PDE11A: variants seen among roughly 807,000 people sequenced by gnomAD.
PDE11A encodes the protein phosphodiesterase 11A.
In PDE11A, 100 loss-of-function variants were observed where a neutral mutation model predicts 100.5. The observed-to-expected ratio is 1.00, with a 90% confidence interval of 0.85 to 1.18. The LOEUF (loss-of-function observed/expected upper bound fraction) is 1.18. Ranked by LOEUF, PDE11A falls within the 50% of genes most tolerant of loss-of-function variation. The pLI is 0.00. For missense variants in PDE11A, 1,141 were observed against 1,152.6 expected (o/e 0.99, Z 0.15); for synonymous variants, 381 against 420.8 (o/e 0.91, Z 1.16).
intron 8 of PDE11A, among the ~76,000 whole-genome samples, chr2:177,817,389 T>C (rs1436949923): frequency 2.0e-5 from 3 of 152,156 alleles, no homozygotes; most frequent in Non-Finnish European, 4.4e-5. Context: ...GTATTCTTGA[T>C]TAGAGAAAGA....
chr2:178,006,309 G>T (rs1018941145), intron 2 of PDE11A, among the ~76,000 whole-genome samples: 7 of 152,194 alleles, frequency 4.6e-5, no homozygotes, highest in African/African-American at 1.4e-4. Flanking sequence ...GGTCTGAGAT[G>T]ACAGAATTTG....
At chr2:177,638,909 G>A (rs1285947201) in intron 19 of PDE11A, among the ~76,000 whole-genome samples, 1 of 152,214 alleles carries the variant, frequency 6.6e-6, no homozygotes, top group Non-Finnish European at 1.5e-5. Flanking sequence ...AGCCTCAGTA[G>A]TTTCCTCACA....
At chr2:177,758,132 T>TA (rs57702277) in intron 10 of PDE11A, among the ~76,000 whole-genome samples, 10,781 of 133,258 alleles carry the variant, frequency 0.081, 457 homozygotes, top group Middle Eastern at 0.19. Context: ...CCATCTCTAC[T>TA]AAAAAAAAAA....
intron 2 of PDE11A, among the ~76,000 whole-genome samples, chr2:178,084,277 T>G (rs1170434403): frequency 6.6e-6 from 1 of 152,258 alleles, no homozygotes; most frequent in Non-Finnish European, 1.5e-5. Flanking sequence ...AATCAGAATT[T>G]AACCTCAATG....
intron 19 of PDE11A, among the ~76,000 whole-genome samples, chr2:177,651,721 T>A (rs1285998302): frequency 1.3e-5 from 2 of 152,186 alleles, no homozygotes; most frequent in East Asian, 3.9e-4. Context: ...TCAGATCACC[T>A]GTAACACTAA....
At chr2:177,712,544 G>A (rs2081372261) in intron 12 of PDE11A, among the ~76,000 whole-genome samples, 1 of 152,214 alleles carries the variant, frequency 6.6e-6, no homozygotes, top group Admixed American at 6.5e-5. Context: ...TGAGGATTGA[G>A]TGGGGTATCC....
At chr2:177,647,776 T>C (rs2080246184) in intron 19 of PDE11A, among the ~76,000 whole-genome samples, 1 of 152,126 alleles carries the variant, frequency 6.6e-6, no homozygotes, top group Non-Finnish European at 1.5e-5. Flanking sequence ...ATGTTGGTGG[T>C]CTCTCTCCCT....
chr2:177,674,832 A>G (rs936381482), intron 17 of PDE11A, among the ~76,000 whole-genome samples: 5 of 152,216 alleles, frequency 3.3e-5, no homozygotes, highest in Non-Finnish European at 2.9e-5. Context: ...GACCCCACAC[A>G]GTAGGTGCAT....
At chr2:178,021,095 G>A (rs35290022) in intron 1 of PDE11A, among the ~76,000 whole-genome samples, 8,423 of 151,878 alleles carry the variant, frequency 0.055, 291 homozygotes, top group South Asian at 0.092. Context: ...CTGAGTAGCT[G>A]GGATTACAGG....
chr2:177,837,476 C>CT (rs35254631), intron 6 of PDE11A, among the ~76,000 whole-genome samples: 3,415 of 141,658 alleles, frequency 0.024, 51 homozygotes, highest in African/African-American at 0.03. Context: ...TTCTTTCTTT[C>CT]TTTTTTTTTT....
chr2:178,095,633 C>T (rs577485098), intron 2 of PDE11A, among the ~76,000 whole-genome samples: 98 of 152,356 alleles, frequency 6.4e-4, no homozygotes, highest in Admixed American at 3.9e-3. Context: ...TGTGATGGGG[C>T]TCCAACCCAC....
chr2:178,059,586 G>T (rs2086942040), intron 1 of PDE11A, among the ~76,000 whole-genome samples: 1 of 152,200 alleles, frequency 6.6e-6, no homozygotes, highest in South Asian at 2.1e-4. Context: ...TCTGATCCCA[G>T]TTCTTGACCT....
At chr2:177,939,723 G>C (rs993982383) in intron 2 of PDE11A, among the ~76,000 whole-genome samples, 8 of 152,186 alleles carry the variant, frequency 5.3e-5, no homozygotes, top group African/African-American at 1.9e-4. Flanking sequence ...AATATTCTTG[G>C]ATTGAGGGAC....
intron 5 of PDE11A, among the ~76,000 whole-genome samples, chr2:177,853,678 ATATGTGTGTG>A (rs2083765709): frequency 8.9e-5 from 3 of 33,866 alleles, no homozygotes; most frequent in African/African-American, 2.0e-4. Context: ...ATATATATAT[ATATGTGTGTG>A]TGTGTGTGTG....
chr2:177,669,212 T>C (rs555002526), intron 18 of PDE11A, among the ~76,000 whole-genome samples: 2 of 152,336 alleles, frequency 1.3e-5, no homozygotes, highest in South Asian at 4.1e-4. Flanking sequence ...ATGCCAGCAC[T>C]GGGCTTTGAA....
chr2:177,820,070 T>C (rs2083112590), intron 7 of PDE11A, 150 bp downstream of exon 7: 3 of 608,542 alleles, frequency 4.9e-6, no homozygotes, highest in East Asian at 5.6e-5. Context: ...ATTAGGAGCC[T>C]GTGCTTATGA....
At chr2:177,675,225 A>G (rs1428070244) in intron 17 of PDE11A, among the ~76,000 whole-genome samples, 1 of 151,258 alleles carries the variant, frequency 6.6e-6, no homozygotes, top group Non-Finnish European at 1.5e-5. Flanking sequence ...AAAATATCTT[A>G]CAGAGTCAGA....
chr2:177,705,152 A>G (rs980346225), intron 13 of PDE11A, among the ~76,000 whole-genome samples: 1 of 152,020 alleles, frequency 6.6e-6, no homozygotes, highest in Non-Finnish European at 1.5e-5. Flanking sequence ...TTGTAAAACC[A>G]TTTTTAAAGA....
intron 10 of PDE11A, among the ~76,000 whole-genome samples, chr2:177,743,756 G>A (rs1422728010): frequency 1.3e-5 from 2 of 152,136 alleles, no homozygotes; most frequent in Non-Finnish European, 2.9e-5. Context: ...AACCCTAAAG[G>A]GAAAAGGTAG....
Sources: gnomAD v4.1 joint callset for allele counts (sites outside exome capture counted in the v4.1 genomes callset) on GRCh38, gnomAD v4.1.1 for gene constraint, MANE v1.5 for transcripts, NCBI Gene and HGNC (gene_info 2026-07-23, HGNC 2026-07-21) for gene names.